NEK3: variants seen among roughly 807,000 people sequenced by gnomAD.
The protein encoded by NEK3 is NIMA related kinase 3.
Under a neutral mutation model 66.0 loss-of-function variants are expected in NEK3, and 54 were observed. The ratio of observed to expected loss-of-function variants is 0.82; its 90% CI spans 0.66 to 1.03. The LOEUF (loss-of-function observed/expected upper bound fraction) is 1.03, where lower values mean the gene tolerates loss of function less well. Among genes scored for constraint, NEK3 ranks in the 50% least tolerant of loss-of-function variants. The pLI is 0.00. For missense variants in NEK3, 593 were observed against 603.0 expected (o/e 0.98, Z 0.17); for synonymous variants, 200 against 206.2 (o/e 0.97, Z 0.26).
chr13:52,155,737 C>T (rs1399942014), intron 2 of NEK3, among the ~76,000 whole-genome samples: 1 of 152,186 alleles, frequency 6.6e-6, no homozygotes, highest in Non-Finnish European at 1.5e-5. Flanking sequence ...AGTGCAGTGG[C>T]ACAATCTCAG....
intron 9 of NEK3, 73 bp downstream of exon 9, chr13:52,144,615 TATA>T: frequency 8.6e-7 from 1 of 1,168,180 alleles, no homozygotes; most frequent in Non-Finnish European, 1.3e-6. Flanking sequence ...ACATGTAATG[TATA>T]ATGTTAAAAG....
intron 4 of NEK3, among the ~76,000 whole-genome samples, chr13:52,152,949 A>C (rs967716147): frequency 1.3e-5 from 2 of 152,192 alleles, no homozygotes; most frequent in Non-Finnish European, 2.9e-5. Flanking sequence ...TACTTATATT[A>C]TTCTTATATT....
chr13:52,159,342 C>T (rs1594033260), intron 1 of NEK3: 3 of 152,474 alleles, frequency 2.0e-5, no homozygotes, highest in Admixed American at 2.0e-4. Flanking sequence ...CTGCTGACCC[C>T]CACGGCACCG....
intron 11 of NEK3, 44 bp from the exon 12 acceptor site, chr13:52,136,946 G>T: frequency 1.5e-6 from 2 of 1,310,210 alleles, no homozygotes; most frequent in Non-Finnish European, 2.1e-6. Flanking sequence ...TGCTTGAATT[G>T]CCACAAAAAG....
At chr13:52,140,655 A>G (rs879379554) in intron 11 of NEK3, among the ~76,000 whole-genome samples, 27 of 152,158 alleles carry the variant, frequency 1.8e-4, no homozygotes, top group Admixed American at 5.9e-4. Context: ...ATGGCGACCT[A>G]AAGTGGCTCA....
chr13:52,153,805 G>A, intron 4 of NEK3, 90 bp downstream of exon 4: 1 of 845,450 alleles, frequency 1.2e-6, no homozygotes, highest in African/African-American at 1.7e-5. Flanking sequence ...GGTAATTACA[G>A]ATATCAATGC....
chr13:52,145,854 A>G (rs1380093259), intron 8 of NEK3, among the ~76,000 whole-genome samples: 1 of 152,220 alleles, frequency 6.6e-6, no homozygotes, highest in Non-Finnish European at 1.5e-5. Context: ...TAATACCTAC[A>G]TGAGGGGTTG....
Sources: gnomAD v4.1 joint callset for allele counts (sites outside exome capture counted in the v4.1 genomes callset) on GRCh38, gnomAD v4.1.1 for gene constraint, MANE v1.5 for transcripts, NCBI Gene and HGNC (gene_info 2026-07-23, HGNC 2026-07-21) for gene names.